LAMB3: variants seen among roughly 807,000 people sequenced by gnomAD.
LAMB3 encodes the protein laminin subunit beta 3, also known as laminin subunit beta-3.
In LAMB3, 104 loss-of-function variants were observed where a neutral mutation model predicts 140.3. The ratio of observed to expected loss-of-function variants is 0.74; its 90% CI spans 0.63 to 0.87. The LOEUF (loss-of-function observed/expected upper bound fraction) is 0.87, where lower values mean the gene tolerates loss of function less well. LAMB3 is among the 40% of genes least tolerant of loss of function. The pLI is 0.00. For missense variants in LAMB3, 1,531 were observed against 1,575.2 expected, an observed-to-expected ratio of 0.97 and a Z score of 0.47; for synonymous variants, 592 against 602.9, an observed-to-expected ratio of 0.98 and a Z score of 0.26.
At chr1:209,626,177 A>C (rs1197702711) in intron 13 of LAMB3, 151 bp from the exon 14 acceptor site, 13 of 864,078 alleles carry the variant, frequency 1.5e-5, no homozygotes, top group South Asian at 1.8e-5. Context: ...CCATGGTAAC[A>C]GCTGCAGTGA....
intron 10 of LAMB3, among the ~76,000 whole-genome samples, chr1:209,628,579 G>A (rs1666562022): frequency 1.3e-5 from 2 of 151,998 alleles, no homozygotes; most frequent in Non-Finnish European, 2.9e-5. Context: ...TGCCTGTAAT[G>A]CCAGCTACCA....
At chr1:209,629,987 C>T (rs1666621473) in intron 9 of LAMB3, 62 bp from the exon 10 acceptor site, 4 of 1,525,228 alleles carry the variant, frequency 2.6e-6, no homozygotes, top group African/African-American at 1.4e-5. Context: ...ACAGAGCATG[C>T]TCCACAAAAG....
intron 3 of LAMB3, among the ~76,000 whole-genome samples, chr1:209,642,590 C>T (rs1224965041): frequency 2.0e-5 from 3 of 152,106 alleles, no homozygotes; most frequent in African/African-American, 4.8e-5. Flanking sequence ...GCGATTCTCC[C>T]GCCTCGGCCT....
chr1:209,617,919 G>C lies in LAMB3; in HGVS notation c.3039C>G (p.Asp1013Glu). ...CATAATGCCTCACCTCAGCAACCCTGTCCTGGATAAGCCGAAGGGAGCGGC... is the reference window on the plus strand; with the variant it reads ...CATAATGCCTCACCTCAGCAACCCTCTCCTGGATAAGCCGAAGGGAGCGGC... ...GTSRSLRLIQ[D>E]RVAEVQQVLR... Residue 1013 changes from aspartate to glutamate, a missense_variant, in exon 20 of 23, where the codon GAC (aspartate) becomes GAG (glutamate). Asp to Glu is a conservative substitution (Grantham distance 45, BLOSUM62 2). Transcript: ENST00000356082. 4 of 1,614,192 alleles carry C rather than the reference G, an allele frequency of 2.5e-6. No individual in the cohort carries two copies. Among genetic ancestry groups the C allele is most frequent in the Non-Finnish European group, 3.4e-6 (4 of 1,180,044 alleles).
In LAMB3 at chr1:209,618,801, C is replaced by T. The variant is rs148405530; in HGVS notation, c.2702-142G>A. 6.7e-4 allele frequency: 503 copies of T among 754,180 alleles called. 4 individuals are homozygous for T. In the African/African-American group the frequency reaches 8.0e-3, roughly 12 times the overall value. 46.7% of individuals were successfully genotyped at this position (754,180 alleles called of 1,614,324 possible). A position where few individuals can be genotyped will look rare whatever the true frequency, so the allele number is the denominator to read the frequency against. ...GTCCCAAGGAGCTGCTGCCCCCTTT[C>T]AACCAGACTCAGGCGCCTGTTCTCC... On this transcript the variant is annotated intron_variant, in intron 18 of 22. Coordinates refer to ENST00000356082, the MANE Select transcript of LAMB3 (RefSeq NM_000228.3).
intron 11 of LAMB3, 145 bp downstream of exon 11, chr1:209,627,890 T>C (rs1666529203): frequency 9.0e-7 from 1 of 1,110,662 alleles, no homozygotes; most frequent in East Asian, 2.6e-5. Context: ...AAGTCCGGAC[T>C]CCTGGCAAAG....
rs1666247177 is a variant in LAMB3 at position 209,622,682 on chromosome 1, T to G, written c.2557-2A>C. 1.9e-6 allele frequency: 3 copies of G among 1,613,958 alleles called. No homozygotes were observed. The highest frequency in any genetic ancestry group is 2.2e-5 in the South Asian group (2 of 91,076). On this transcript the variant is annotated splice_acceptor_variant, in intron 17 of 22. Transcript: ENST00000356082. LOFTEE classifies it high-confidence loss of function. The stretch of plus-strand genomic sequence containing the variant: ...GGCAGATTCCTCGGCTGCCCTAATC[T>G]GTTGACATACACTCTAGGTCAGAAG...
In LAMB3 at chr1:209,632,594, T is replaced by C. The variant is rs1666731063; in HGVS notation, c.811A>G (p.Thr271Ala). Residue 271 changes from threonine to alanine, a missense_variant, in exon 8 of 23, where the codon ACC becomes GCC. Transcript: ENST00000356082. ...PKPGASAGPS[T>A]AVQVHDVCVC... The stretch of plus-strand genomic sequence containing the variant: ...CCCTAGGCTGTTACCTGCACAGCGG[T>C]GGAGGGGCCTGCAGAGGCCCCAGGC... 1.2e-6 allele frequency: 2 copies of C among 1,613,702 alleles called. No homozygotes were observed. Among genetic ancestry groups the C allele is most frequent in the Non-Finnish European group, 1.7e-6 (2 of 1,179,730 alleles).
chr1:209,638,056 G>GACTAGCTC, intron 4 of LAMB3, 75 bp from the exon 5 acceptor site: 1 of 1,239,184 alleles, frequency 8.1e-7, no homozygotes, highest in Non-Finnish European at 1.2e-6. Flanking sequence ...CCCTGGATTA[G>GACTAGCTC]ACTAGCTCTA....
chr1:209,620,912 C>T (rs879394027), intron 18 of LAMB3, among the ~76,000 whole-genome samples: 3 of 152,178 alleles, frequency 2.0e-5, no homozygotes, highest in Non-Finnish European at 2.9e-5. Context: ...CAGCAGCCAG[C>T]GCTCAGTGGC....
At chr1:209,651,007 T>C (rs145315604) in intron 1 of LAMB3, 26 bp from the exon 2 acceptor site, 26 of 1,474,742 alleles carry the variant, frequency 1.8e-5, no homozygotes, top group Non-Finnish European at 2.5e-5. Flanking sequence ...GCAAACTGGG[T>C]ACAACAGTGC....
chr1:209,629,832 C>A lies in LAMB3; in HGVS notation c.1037G>T (p.Cys346Phe). 6.2e-7 allele frequency: 1 copy of A among 1,614,206 alleles called. No homozygotes were observed. The highest frequency in any genetic ancestry group is 8.5e-7 in the Non-Finnish European group (1 of 1,180,040). ...QGAYGGVCDN[C>F]RDHTEGKNCE... ...GTTCTTGCCTTCGGTGTGGTCCCGG[C>A]AATTGTCACACACACCTCCATATGC... The change falls in exon 10 of 23, where the codon TGC becomes TTC. Residue 346 changes from cysteine to phenylalanine, a missense_variant. Transcript: ENST00000356082.
intron 13 of LAMB3, 41 bp from the exon 14 acceptor site, chr1:209,626,067 G>T: frequency 6.2e-7 from 1 of 1,603,524 alleles, no homozygotes; most frequent in South Asian, 1.1e-5. Flanking sequence ...AGGGGTCAGG[G>T]AGACAGAAGC....
Position 209,627,428 on chromosome 1 carries a change from C to T in LAMB3, c.1440G>A (p.Pro480=), listed in dbSNP as rs779846779. The change falls in exon 12 of 23, where the codon CCG becomes CCA. Residue 480 remains proline (P), a synonymous_variant. Transcript: ENST00000356082. ...GGGAGTTGTGCGGGTCGCAGGCACA[C>T]GGTTCACAGCCCTGGCCACTGGCCA... ...WKLASGQGCE[P]CACDPHNSLS... is the part of the protein sequence containing the mutation. 10 of 1,613,716 alleles carry T rather than the reference C, an allele frequency of 6.2e-6. No homozygotes were observed. Among genetic ancestry groups the T allele is most frequent in the Non-Finnish European group, 6.8e-6 (8 of 1,179,974 alleles).
chr1:209,629,835 T>G lies in LAMB3; in HGVS notation c.1034A>C (p.Asn345Thr), dbSNP rs768377367. 2.5e-6 allele frequency: 4 copies of G among 1,614,150 alleles called. No homozygotes were observed. The Admixed American group carries it at 6.7e-5, about 27-fold the overall frequency. ...CTTGCCTTCGGTGTGGTCCCGGCAA[T>G]TGTCACACACACCTCCATATGCCCC... ...SQGAYGGVCD[N>T]CRDHTEGKNC... Residue 345 changes from asparagine (N) to threonine (T), a missense_variant, in exon 10 of 23, where the codon AAT becomes ACT. By Grantham distance (65) the Asn-to-Thr change is moderately conservative. Transcript: ENST00000356082.
In LAMB3 at chr1:209,623,438, G is replaced by A; in HGVS notation, c.2358+67C>T. On this transcript the variant is annotated intron_variant, in intron 16 of 22. Transcript: ENST00000356082. The surrounding 1 kb of genome is among the most constrained non-coding windows in gnomAD (Gnocchi z 4.2). ...GATCTGCCCTAATAGGAAGCAGGTG[G>A]CAGCAGTTGGTGTGTGACAAGCTGG... is the stretch of plus-strand genomic sequence containing the variant. The A allele has an allele frequency of 6.8e-7, 1 of 1,467,450 alleles. No individual in the cohort carries two copies. Among genetic ancestry groups the A allele is most frequent in the African/African-American group, 1.4e-5 (1 of 72,060 alleles). 90.9% of individuals were successfully genotyped at this position (1,467,450 alleles called of 1,614,324 possible).
Position 209,652,040 on chromosome 1 carries a change from C to T in LAMB3, c.-38+329G>A, listed in dbSNP as rs533578862. 9.9e-4 allele frequency among the ~76,000 whole-genome samples: 151 copies of T among 152,240 alleles called. 1 individual carries two copies. Among genetic ancestry groups the T allele is most frequent in the Non-Finnish European group, 1.8e-3 (120 of 68,020 alleles). ...CGATGGCCTAAGAGAGACCCATCTT[C>T]TGACTTTCATCCAGTGCTTTCTCAG... is the stretch of plus-strand genomic sequence containing the variant. On this transcript the variant is annotated intron_variant, in intron 1 of 22. Coordinates refer to ENST00000356082, the MANE Select transcript of LAMB3 (RefSeq NM_000228.3).
intron 10 of LAMB3, 85 bp from the exon 11 acceptor site, chr1:209,628,275 A>G: frequency 6.9e-7 from 1 of 1,456,330 alleles, no homozygotes; most frequent in South Asian, 1.2e-5. Context: ...GCCTGGTTCA[A>G]ATCCTTGTTC....
chr1:209,642,858 TA>T (rs957181497), intron 3 of LAMB3, among the ~76,000 whole-genome samples: 2 of 152,152 alleles, frequency 1.3e-5, no homozygotes, highest in Non-Finnish European at 2.9e-5. Context: ...CAAAACCAAC[TA>T]AAAATGGCCA....
Sources: gnomAD v4.1 joint callset for allele counts (sites outside exome capture counted in the v4.1 genomes callset) on GRCh38, gnomAD v4.1.1 for gene constraint, Gnocchi (gnomAD v3.1) non-coding constraint, MANE v1.5 for transcripts, NCBI Gene and HGNC (gene_info 2026-07-23, HGNC 2026-07-21) for gene names.